The following GPR39 variants were observed in gnomAD, a reference collection of about 807,000 sequenced individuals.
GPR39 encodes the protein G protein-coupled receptor 39, also known as zinc sensing receptor.
GPR39 carries 23 observed loss-of-function variants against 18.4 expected under a neutral mutation model. The ratio of observed to expected loss-of-function variants is 1.25; its 90% confidence interval spans 0.90 to 1.77. GPR39 has a LOEUF of 1.77. GPR39 is among the 40% of genes most tolerant of loss of function. The pLI, the probability that GPR39 is intolerant of heterozygous loss-of-function variation, is 0.00. For synonymous variants in GPR39, 280 were observed against 257.9 expected (o/e 1.09, Z -0.82); for missense variants, 647 against 602.4 (o/e 1.07, Z -0.78).
In GPR39 at chr2:132,639,569, G is replaced by GCT. The variant is rs1441578946; in HGVS notation, c.857-5531_857-5530dup. Reference sequence around the variant, plus strand: ...TCCAGATATTTTGTGCTTAATACAAGCTAAGTATCCATTTTTAGTAGGTAC... The same window carrying GCT: ...TCCAGATATTTTGTGCTTAATACAAGCTCTAAGTATCCATTTTTAGTAGGTAC... On this transcript the variant is annotated intron_variant, in intron 1 of 1. Coordinates refer to ENST00000329321, the MANE Select transcript of GPR39 (RefSeq NM_001508.3). 3.3e-5 allele frequency among the ~76,000 whole-genome samples: 5 copies of GCT among 152,312 alleles called. No individual in the cohort carries two copies. The East Asian group carries it at 9.7e-4, about 29-fold the overall frequency.
chr2:132,553,431 CAT>C (rs905808685), intron 1 of GPR39, among the ~76,000 whole-genome samples: 20 of 148,992 alleles, frequency 1.3e-4, no homozygotes, highest in Admixed American at 4.0e-4. Flanking sequence ...CAAATATATA[CAT>C]ATATATATAT....
chr2:132,504,416 C>T (rs1328596701), intron 1 of GPR39, among the ~76,000 whole-genome samples: 2 of 152,198 alleles, frequency 1.3e-5, no homozygotes, highest in African/African-American at 4.8e-5. Flanking sequence ...GTCACTCAGC[C>T]TCTTGGGCCC....
intron 1 of GPR39, among the ~76,000 whole-genome samples, chr2:132,529,117 G>T: frequency 6.6e-6 from 1 of 152,162 alleles, no homozygotes; most frequent in East Asian, 1.9e-4. Flanking sequence ...TCAAAGAAAG[G>T]GGTGATAGAC....
chr2:132,622,471 A>C (rs545522918), intron 1 of GPR39, among the ~76,000 whole-genome samples: 4 of 152,208 alleles, frequency 2.6e-5, no homozygotes, highest in Non-Finnish European at 4.4e-5. Flanking sequence ...TGGACCAGGG[A>C]AACAGTCTCA....
chr2:132,561,577 T>TAC (rs55653432), intron 1 of GPR39, among the ~76,000 whole-genome samples: 34,980 of 147,594 alleles, frequency 0.24, 4,540 homozygotes, highest in Non-Finnish European at 0.32. Context: ...AATATGAGTG[T>TAC]ACACACACAC....
At chr2:132,519,787 A>G (rs1352704968) in intron 1 of GPR39, among the ~76,000 whole-genome samples, 1 of 152,058 alleles carries the variant, frequency 6.6e-6, no homozygotes, top group Non-Finnish European at 1.5e-5. Flanking sequence ...GCACAATCTC[A>G]TCATTGCTAT....
At chr2:132,487,752 A>G (rs1163697879) in intron 1 of GPR39, among the ~76,000 whole-genome samples, 1 of 152,202 alleles carries the variant, frequency 6.6e-6, no homozygotes, top group Non-Finnish European at 1.5e-5. Flanking sequence ...CCAGAGAGGT[A>G]AAGAGATGGA....
chr2:132,570,017 G>A (rs1421496901), intron 1 of GPR39, among the ~76,000 whole-genome samples: 4 of 152,114 alleles, frequency 2.6e-5, no homozygotes, highest in Non-Finnish European at 4.4e-5. Flanking sequence ...GTGGGAAAGC[G>A]GACTACGAAA....
At chr2:132,418,901 C>A (rs897170616) in intron 1 of GPR39, among the ~76,000 whole-genome samples, 5 of 152,156 alleles carry the variant, frequency 3.3e-5, no homozygotes, top group Non-Finnish European at 4.4e-5. Flanking sequence ...TCCCCTGTGG[C>A]ATCAGGAAAA....
chr2:132,536,129 G>T (rs1343075455), intron 1 of GPR39, among the ~76,000 whole-genome samples: 1 of 151,406 alleles, frequency 6.6e-6, no homozygotes, highest in Non-Finnish European at 1.5e-5. Flanking sequence ...GGATTATTTT[G>T]CTCTGCTTCT....
At chr2:132,635,438 G>C (rs1166065020) in intron 1 of GPR39, among the ~76,000 whole-genome samples, 1 of 152,198 alleles carries the variant, frequency 6.6e-6, no homozygotes, top group African/African-American at 2.4e-5. Flanking sequence ...GTAGACTTGT[G>C]AAGTCAAGGA....
At chr2:132,569,464 C>A (rs544058900) in intron 1 of GPR39, among the ~76,000 whole-genome samples, 2 of 152,044 alleles carry the variant, frequency 1.3e-5, no homozygotes, top group Non-Finnish European at 2.9e-5. Flanking sequence ...GTCTGAGCAG[C>A]GGGACCACAC....
At chr2:132,517,424 G>A (rs963445040) in intron 1 of GPR39, among the ~76,000 whole-genome samples, 5 of 152,010 alleles carry the variant, frequency 3.3e-5, no homozygotes, top group Admixed American at 3.3e-4. Flanking sequence ...TCAAGTCAGG[G>A]GAGCATTCTA....
chr2:132,425,457 C>G lies in GPR39; in HGVS notation c.856+7559C>G, dbSNP rs367970640. Among the ~76,000 whole-genome samples, 4 of 152,304 alleles carry G rather than the reference C, an allele frequency of 2.6e-5. No individual in the cohort carries two copies. The East Asian group carries it at 7.8e-4, about 30-fold the overall frequency. ...CTGAAATGGAGGAAAAGCACCCTCACTGTGATCCTCAGGCAGCTCTCTTGG... is the reference window on the plus strand; with the variant it reads ...CTGAAATGGAGGAAAAGCACCCTCAGTGTGATCCTCAGGCAGCTCTCTTGG... On this transcript the variant is annotated intron_variant, in intron 1 of 1. Coordinates refer to ENST00000329321, the MANE Select transcript of GPR39 (RefSeq NM_001508.3).
chr2:132,482,038 G>A (rs993654725), intron 1 of GPR39, among the ~76,000 whole-genome samples: 1 of 152,096 alleles, frequency 6.6e-6, no homozygotes, highest in Non-Finnish European at 1.5e-5. Flanking sequence ...TCACTTGCAA[G>A]TCCTTCTCTC....
intron 1 of GPR39, among the ~76,000 whole-genome samples, chr2:132,596,139 C>T (rs566921758): frequency 2.5e-4 from 38 of 152,150 alleles, no homozygotes; most frequent in Non-Finnish European, 4.0e-4. Flanking sequence ...AGGAAAGAGA[C>T]CAAGCTTAAA....
intron 1 of GPR39, among the ~76,000 whole-genome samples, chr2:132,475,803 G>A (rs772614718): frequency 3.0e-4 from 45 of 152,300 alleles, no homozygotes; most frequent in Non-Finnish European, 5.3e-4. Context: ...CCTGAAGCCA[G>A]CAATTAGCTG....
intron 1 of GPR39, among the ~76,000 whole-genome samples, chr2:132,545,938 G>T (rs1272152011): frequency 2.0e-5 from 3 of 152,202 alleles, no homozygotes; most frequent in African/African-American, 7.2e-5. Context: ...TGATTGAGTT[G>T]TCCTGGTCAG....
intron 1 of GPR39, among the ~76,000 whole-genome samples, chr2:132,458,818 G>A (rs1483262443): frequency 6.6e-6 from 1 of 151,990 alleles, no homozygotes; most frequent in Non-Finnish European, 1.5e-5. Flanking sequence ...CTTCACCTCT[G>A]TCCAGTCAAT....
Sources: gnomAD v4.1 joint callset for allele counts (sites outside exome capture counted in the v4.1 genomes callset) on GRCh38, gnomAD v4.1.1 for gene constraint, MANE v1.5 for transcripts, NCBI Gene and HGNC (gene_info 2026-07-23, HGNC 2026-07-21) for gene names.